The following CADPS2 variants were observed in gnomAD, a reference collection of about 807,000 sequenced individuals.
The protein encoded by CADPS2 is calcium-dependent secretion activator 2.
CADPS2 carries 93 observed loss-of-function variants against 172.5 expected under a neutral mutation model. That is an observed-to-expected ratio of 0.54 (90% CI 0.46 to 0.64). The LOEUF (loss-of-function observed/expected upper bound fraction) is 0.64. Ranked by LOEUF, CADPS2 falls within the 30% of genes least tolerant of loss-of-function variation. The pLI is 0.00. For synonymous variants in CADPS2, 546 were observed against 555.2 expected, an observed-to-expected ratio of 0.98 and a Z score of 0.23; for missense variants, 1,420 against 1,565.9, an observed-to-expected ratio of 0.91 and a Z score of 1.57.
At chr7:122,521,785 ATAG>A (rs756511730) in intron 8 of CADPS2, among the ~76,000 whole-genome samples, 3 of 152,156 alleles carry the variant, frequency 2.0e-5, no homozygotes, top group African/African-American at 4.8e-5. Flanking sequence ...TGCATAAAAC[ATAG>A]AGTTCTTCAC....
chr7:122,684,213 TG>T (rs2083380168), intron 2 of CADPS2, among the ~76,000 whole-genome samples: 1 of 152,128 alleles, frequency 6.6e-6, no homozygotes, highest in Non-Finnish European at 1.5e-5. Flanking sequence ...GTGGTTAAAT[TG>T]ATATCATTAT....
chr7:122,778,338 A>G lies in CADPS2; in HGVS notation c.340-41270T>C, dbSNP rs538539448. Among the ~76,000 whole-genome samples the G allele has an allele frequency of 2.0e-5, 3 of 152,326 alleles. No homozygotes were observed. The East Asian group carries it at 5.8e-4, about 29-fold the overall frequency. On this transcript the variant is annotated intron_variant, in intron 1 of 29. Transcript: ENST00000449022. ...AGTGTTCAAGAGGAAGCAGAACATA[A>G]AAGTTTGGAAAACTAGCTGCCTGAT...
chr7:122,511,463 A>G (rs901427847), intron 9 of CADPS2, among the ~76,000 whole-genome samples: 3 of 152,184 alleles, frequency 2.0e-5, no homozygotes, highest in African/African-American at 4.8e-5. Context: ...CCTAACTTTC[A>G]TATTCAAAAA....
intron 25 of CADPS2, among the ~76,000 whole-genome samples, chr7:122,374,277 G>A (rs2042089229): frequency 2.0e-5 from 3 of 152,088 alleles, no homozygotes; most frequent in Admixed American, 2.0e-4. Flanking sequence ...TATATGAAAA[G>A]CTCACAGTTG....
chr7:122,703,656 C>T (rs974277683), intron 2 of CADPS2, among the ~76,000 whole-genome samples: 1 of 152,122 alleles, frequency 6.6e-6, no homozygotes, highest in African/African-American at 2.4e-5. Flanking sequence ...GAGAAACACA[C>T]TGTAGGGTTC....
chr7:122,638,870 G>A (rs758413115), intron 3 of CADPS2, among the ~76,000 whole-genome samples: 1 of 152,170 alleles, frequency 6.6e-6, no homozygotes, highest in Non-Finnish European at 1.5e-5. Flanking sequence ...TCCTGACGTG[G>A]TTTCTTAGAT....
chr7:122,505,067 T>C (rs191824867), intron 9 of CADPS2, among the ~76,000 whole-genome samples: 49 of 152,326 alleles, frequency 3.2e-4, no homozygotes, highest in African/African-American at 1.1e-3. Flanking sequence ...TAAAAATTAT[T>C]GCTTTCTTAA....
rs2141877189 is a variant in CADPS2 at position 122,886,436 on chromosome 7, G to A, written c.-99C>T. On this transcript the variant is annotated 5_prime_UTR_variant, in exon 1 of 30. Coordinates refer to ENST00000449022, the MANE Select transcript of CADPS2 (RefSeq NM_017954.11). The stretch of plus-strand genomic sequence containing the variant: ...TGAGGGAGCCGCGGGGCTGGCTGCA[G>A]CGGCCGCAGAACGAAAGGAAAACTG... 1 of 1,395,680 alleles carries A rather than the reference G, an allele frequency of 7.2e-7. No individual in the cohort carries two copies. Among genetic ancestry groups the A allele is most frequent in the Non-Finnish European group, 9.2e-7 (1 of 1,086,176 alleles). The allele number at this position is 1,395,680 out of a possible 1,614,324, so 86.5% of individuals were successfully genotyped here. A position where few individuals can be genotyped will look rare whatever the true frequency, so the allele number is the denominator to read the frequency against.
chr7:122,442,955 A>G (rs2051569207), intron 15 of CADPS2, among the ~76,000 whole-genome samples: 1 of 152,236 alleles, frequency 6.6e-6, no homozygotes. Context: ...GAGCATTAGC[A>G]AATTAGCAAA....
At chr7:122,391,847 T>C (rs2044400749) in intron 22 of CADPS2, among the ~76,000 whole-genome samples, 1 of 152,118 alleles carries the variant, frequency 6.6e-6, no homozygotes, top group South Asian at 2.1e-4. Flanking sequence ...AACACAACGT[T>C]CTATGACAGC....
chr7:122,745,798 G>A (rs887608288), intron 1 of CADPS2, among the ~76,000 whole-genome samples: 16 of 151,738 alleles, frequency 1.1e-4, no homozygotes, highest in African/African-American at 2.7e-4. Flanking sequence ...CAAAAAAGTC[G>A]GTTTATCATG....
At chr7:122,430,663 A>G (rs944868131) in intron 17 of CADPS2, among the ~76,000 whole-genome samples, 2 of 152,228 alleles carry the variant, frequency 1.3e-5, no homozygotes, top group South Asian at 4.1e-4. Context: ...AGGCAATTCA[A>G]TGAAATGGTA....
At chr7:122,617,199 A>C (rs73435731) in intron 5 of CADPS2, among the ~76,000 whole-genome samples, 6,479 of 152,260 alleles carry the variant, frequency 0.043, 149 homozygotes, top group South Asian at 0.1. Flanking sequence ...TCTGCTTTTC[A>C]AAACAATACT....
intron 1 of CADPS2, among the ~76,000 whole-genome samples, chr7:122,846,068 T>C (rs1811916547): frequency 6.6e-6 from 1 of 152,224 alleles, no homozygotes; most frequent in Non-Finnish European, 1.5e-5. Context: ...ATTTCACAGT[T>C]AAAATTCTAA....
chr7:122,421,664 T>C (rs2048545526), intron 17 of CADPS2, among the ~76,000 whole-genome samples: 1 of 152,216 alleles, frequency 6.6e-6, no homozygotes, highest in Admixed American at 6.5e-5. Context: ...TATATCTCTT[T>C]CTAACCAGAT....
intron 2 of CADPS2, among the ~76,000 whole-genome samples, chr7:122,669,226 T>G (rs755777313): frequency 6.6e-6 from 1 of 151,966 alleles, no homozygotes; most frequent in African/African-American, 2.4e-5. Context: ...AGCTACACAG[T>G]AGACTGAGGT....
chr7:122,604,971 C>T (rs914755149), intron 6 of CADPS2, among the ~76,000 whole-genome samples: 1 of 152,056 alleles, frequency 6.6e-6, no homozygotes. Flanking sequence ...TGGCCTACCA[C>T]AAACCTAGGG....
chr7:122,735,550 G>A (rs1372652950), intron 2 of CADPS2, among the ~76,000 whole-genome samples: 2 of 151,786 alleles, frequency 1.3e-5, no homozygotes, highest in Non-Finnish European at 2.9e-5. Context: ...CTAAACTGTG[G>A]CCACATCATA....
chr7:122,676,755 G>A, intron 2 of CADPS2: 1 of 1,292,274 alleles, frequency 7.7e-7, no homozygotes, highest in Non-Finnish European at 1.1e-6. Flanking sequence ...AGATTATCAT[G>A]GAGAAACTTC....
Sources: allele counts gnomAD v4.1 joint callset (sites outside exome capture counted in the v4.1 genomes callset), GRCh38; gene constraint gnomAD v4.1.1; transcripts MANE v1.5; gene names NCBI Gene and HGNC (gene_info 2026-07-23, HGNC 2026-07-21).